Variants in ANKFN1 observed in about 807,000 individuals in gnomAD.
The protein encoded by ANKFN1 is ankyrin repeat and fibronectin type-III domain-containing protein 1.
A neutral mutation model predicts 108.7 loss-of-function variants in ANKFN1; 74 were observed. The observed-to-expected ratio is 0.68, with a 90% CI of 0.56 to 0.83. The LOEUF (loss-of-function observed/expected upper bound fraction) is 0.83, where lower values mean the gene tolerates loss of function less well. Among genes scored for constraint, ANKFN1 ranks in the 40% least tolerant of loss-of-function variants. The pLI is 0.00. For synonymous variants in ANKFN1, 547 were observed against 516.2 expected, an observed-to-expected ratio of 1.06 and a Z score of -0.81; for missense variants, 1,505 against 1,382.3, an observed-to-expected ratio of 1.09 and a Z score of -1.41.
At chr17:56,240,790 A>T (rs1235748233) in intron 3 of ANKFN1, among the ~76,000 whole-genome samples, 3 of 152,066 alleles carry the variant, frequency 2.0e-5, no homozygotes, top group African/African-American at 7.2e-5. Flanking sequence ...GAAATTGAGC[A>T]TCTTTTAATA....
intron 11 of ANKFN1, among the ~76,000 whole-genome samples, chr17:56,449,631 T>C (rs1158925281): frequency 2.0e-5 from 3 of 152,200 alleles, no homozygotes; most frequent in Non-Finnish European, 4.4e-5. Context: ...TAGTTTACAA[T>C]GCAGTTTCAC....
chr17:56,153,442 T>A, upstream of ANKFN1: 1 of 1,590,610 alleles, frequency 6.3e-7, no homozygotes, highest in Non-Finnish European at 8.6e-7. Flanking sequence ...CGTGTGGACA[T>A]TCGCAAAGGG....
chr17:56,087,768 A>G (rs1905343284), intron 4 of ANKFN1, among the ~76,000 whole-genome samples: 1 of 151,414 alleles, frequency 6.6e-6, no homozygotes, highest in South Asian at 2.1e-4. Flanking sequence ...TTGGAACTTT[A>G]TTAAGTGAGC....
intron 8 of ANKFN1, among the ~76,000 whole-genome samples, chr17:56,430,294 A>G (rs79283456): frequency 0.02 from 3,058 of 152,214 alleles, 96 homozygotes; most frequent in African/African-American, 0.068. Flanking sequence ...GACTTCTCCT[A>G]TATGTGGAAT....
At chr17:56,270,591 C>G (rs2043766867) in intron 3 of ANKFN1, among the ~76,000 whole-genome samples, 1 of 152,186 alleles carries the variant, frequency 6.6e-6, no homozygotes, top group Admixed American at 6.5e-5. Flanking sequence ...AGAGCATGCC[C>G]TCCCCTGGCT....
intron 8 of ANKFN1, among the ~76,000 whole-genome samples, chr17:56,430,511 C>CACAT (rs1053749322): frequency 1.3e-5 from 2 of 150,730 alleles, no homozygotes; most frequent in Non-Finnish European, 3.0e-5. Context: ...CACACACACA[C>CACAT]ACACACACAC....
chr17:56,227,798 T>C, intron 2 of ANKFN1, 119 bp from the exon 3 acceptor site: 2 of 775,596 alleles, frequency 2.6e-6, no homozygotes, highest in East Asian at 2.7e-5. Context: ...TATTCATCTG[T>C]AGGCTAGGCT....
intron 3 of ANKFN1, among the ~76,000 whole-genome samples, chr17:56,269,866 C>T (rs796250247): frequency 2.0e-5 from 3 of 152,270 alleles, no homozygotes; most frequent in African/African-American, 7.2e-5. Context: ...CTTTGCAAAA[C>T]TCAGCCATGT....
At chr17:56,132,498 A>G (rs1456370527) in intron 4 of ANKFN1, among the ~76,000 whole-genome samples, 1 of 152,186 alleles carries the variant, frequency 6.6e-6, no homozygotes, top group African/African-American at 2.4e-5. Context: ...CTTCAATTTT[A>G]TAAAGCAAAG....
intron 4 of ANKFN1, among the ~76,000 whole-genome samples, chr17:56,330,707 C>G (rs142528116): frequency 6.6e-6 from 1 of 152,036 alleles, no homozygotes; most frequent in African/African-American, 2.4e-5. Context: ...AGTTGGTTAC[C>G]CTATGTGGGA....
chr17:56,052,145 A>C (rs981587889), intron 4 of ANKFN1, among the ~76,000 whole-genome samples: 4 of 152,106 alleles, frequency 2.6e-5, no homozygotes, highest in South Asian at 2.1e-4. Flanking sequence ...AAGCTGGAGG[A>C]ATCACACTAC....
intron 4 of ANKFN1, among the ~76,000 whole-genome samples, chr17:56,341,304 G>T (rs1598429627): frequency 2.0e-5 from 3 of 151,858 alleles, no homozygotes; most frequent in Middle Eastern, 3.2e-3. Flanking sequence ...CTTTCTTTCT[G>T]TTGCCTGATT....
At chr17:56,082,878 G>C (rs991815535) in intron 4 of ANKFN1, among the ~76,000 whole-genome samples, 2 of 141,496 alleles carry the variant, frequency 1.4e-5, no homozygotes, top group Admixed American at 7.0e-5. Flanking sequence ...CCAGGGTTTA[G>C]GTAAATTTGA....
At chr17:56,130,715 C>G (rs1287130125) in intron 4 of ANKFN1, among the ~76,000 whole-genome samples, 1 of 152,152 alleles carries the variant, frequency 6.6e-6, no homozygotes, top group Non-Finnish European at 1.5e-5. Flanking sequence ...GAGGACAGTT[C>G]ACTTTGCTGA....
chr17:56,313,211 A>G (rs2045097738), intron 3 of ANKFN1, among the ~76,000 whole-genome samples: 1 of 152,012 alleles, frequency 6.6e-6, no homozygotes, highest in Admixed American at 6.6e-5. Flanking sequence ...GACATGAGGG[A>G]AGGGTATTTC....
Position 56,246,870 on chromosome 17 carries a change from G to A in ANKFN1, c.53+18913G>A, listed in dbSNP as rs73991457. On this transcript the variant is annotated intron_variant, in intron 3 of 20. Transcript: ENST00000682825. ...GTTTCTATTCAGAGAAACTGAAAAA[G>A]CATTATAAAATTCCCAGTTACATCT... Among the ~76,000 whole-genome samples, 409 of 152,178 alleles carry A rather than the reference G, an allele frequency of 2.7e-3. 1 individual carries two copies. The highest frequency in any genetic ancestry group is 9.0e-3 in the African/African-American group (373 of 41,530).
intron 3 of ANKFN1, among the ~76,000 whole-genome samples, chr17:56,249,171 A>G (rs2043180812): frequency 6.6e-6 from 1 of 152,212 alleles, no homozygotes; most frequent in Admixed American, 6.5e-5. Flanking sequence ...ACTCTGAAGT[A>G]TGCCTGCAAT....
chr17:56,460,833 C>T (rs2049880390), intron 14 of ANKFN1, among the ~76,000 whole-genome samples: 2 of 152,278 alleles, frequency 1.3e-5, no homozygotes, highest in South Asian at 4.1e-4. Context: ...AGCTACCAAA[C>T]TATTCTCTTC....
rs567116449 is a variant in ANKFN1 at position 56,181,212 on chromosome 17, C to A, written c.-71+27682C>A. 1.5e-3 allele frequency among the ~76,000 whole-genome samples: 223 copies of A among 152,140 alleles called. 2 individuals are homozygous for A. Among genetic ancestry groups the A allele is most frequent in the African/African-American group, 5.1e-3 (210 of 41,520 alleles). On this transcript the variant is annotated intron_variant, in intron 1 of 20. Transcript: ENST00000682825. ...AGTTTCATTTTTCTTGCATGAATGC[C>A]TTTTTATCTGGAAAGTTTTAGAGCT...
Sources: allele counts gnomAD v4.1 joint callset (sites outside exome capture counted in the v4.1 genomes callset), GRCh38; gene constraint gnomAD v4.1.1; transcripts MANE v1.5; gene names NCBI Gene and HGNC (gene_info 2026-07-23, HGNC 2026-07-21).